Variants in ULK2 observed in about 807,000 individuals in gnomAD.
The protein encoded by ULK2 is serine/threonine-protein kinase ULK2.
A neutral mutation model predicts 127.5 loss-of-function variants in ULK2; 76 were observed. The observed-to-expected ratio is 0.60, with a 90% CI of 0.50 to 0.72. The LOEUF (loss-of-function observed/expected upper bound fraction) is 0.72. Ranked by LOEUF, ULK2 falls within the 30% of genes least tolerant of loss-of-function variation. ULK2 has a pLI of 0.00. For missense variants in ULK2, 1,144 were observed against 1,295.9 expected, an observed-to-expected ratio of 0.88 and a Z score of 1.80; for synonymous variants, 452 against 461.9, an observed-to-expected ratio of 0.98 and a Z score of 0.28.
chr17:19,848,758 C>A (rs2041952137), intron 5 of ULK2, among the ~76,000 whole-genome samples: 1 of 150,958 alleles, frequency 6.6e-6, no homozygotes, highest in African/African-American at 2.4e-5. Flanking sequence ...GCCTGGGTGA[C>A]AGAGTGAGAC....
chr17:19,776,697 C>T (rs1243437796), intron 26 of ULK2, among the ~76,000 whole-genome samples: 1 of 152,122 alleles, frequency 6.6e-6, no homozygotes. Flanking sequence ...CCAACCAGTC[C>T]ACCACCTCTG....
intron 6 of ULK2, 61 bp from the exon 7 acceptor site, chr17:19,845,438 TC>T: frequency 1.6e-6 from 2 of 1,248,362 alleles, no homozygotes; most frequent in Non-Finnish European, 2.4e-6. Flanking sequence ...CTAACATATA[TC>T]ATATGATTCT....
chr17:19,816,872 G>A lies in ULK2; in HGVS notation c.973C>T (p.Pro325Ser). Residue 325 changes from proline (P) to serine (S), a missense_variant, in exon 13 of 27, where the codon CCA becomes TCA. Pro to Ser is a moderately conservative substitution (Grantham distance 74). Coordinates refer to ENST00000395544, the MANE Select transcript of ULK2 (RefSeq NM_014683.4). ...HIQEENLSSP[P>S]LGPPNYLQVS... ...TGTAGATAGTTGGGAGGACCCAATG[G>A]TGGGGAAGATAAGTTTTCTTCCTGA... The A allele has an allele frequency of 6.2e-7, 1 of 1,610,800 alleles. No homozygotes were observed. Among genetic ancestry groups the A allele is most frequent in the Non-Finnish European group, 8.5e-7 (1 of 1,179,068 alleles).
chr17:19,780,847 C>A, intron 24 of ULK2, 139 bp downstream of exon 24: 2 of 974,058 alleles, frequency 2.1e-6, no homozygotes, highest in Non-Finnish European at 3.0e-6. Context: ...AAAAAGCTAA[C>A]AACCCAGCAT....
At chr17:19,841,842 C>T (rs142109449) in intron 8 of ULK2, among the ~76,000 whole-genome samples, 40 of 152,252 alleles carry the variant, frequency 2.6e-4, no homozygotes, top group African/African-American at 9.4e-4. Flanking sequence ...AAATTCTGTA[C>T]ATCTGAGTAT....
At chr17:19,849,115 C>T (rs1015374920) in intron 5 of ULK2, among the ~76,000 whole-genome samples, 1 of 152,048 alleles carries the variant, frequency 6.6e-6, no homozygotes, top group African/African-American at 2.4e-5. Context: ...GGGATAGGAC[C>T]ATCTCTCAAA....
At chr17:19,862,497 G>A (rs573053941) in intron 3 of ULK2, among the ~76,000 whole-genome samples, 3 of 150,728 alleles carry the variant, frequency 2.0e-5, no homozygotes, top group East Asian at 2.0e-4. Flanking sequence ...ATGGAGTTTC[G>A]CTCGTTACCC....
chr17:19,867,456 C>T lies in ULK2; in HGVS notation c.-39G>A, dbSNP rs748052859. ...GGGCACACAGCGGACGGGCGGGCGG[C>T]GCAGTGCGGCGCAGGTATCAGCACC... On this transcript the variant is annotated 5_prime_UTR_variant, in exon 1 of 27. Transcript: ENST00000395544. The T allele has an allele frequency of 3.2e-5, 49 of 1,542,310 alleles. No homozygotes were observed. The highest frequency in any genetic ancestry group is 4.3e-5 in the Non-Finnish European group (49 of 1,139,076).
chr17:19,829,951 C>G (rs2041397569), intron 10 of ULK2, among the ~76,000 whole-genome samples: 1 of 151,566 alleles, frequency 6.6e-6, no homozygotes, highest in South Asian at 2.1e-4. Flanking sequence ...ACATTGACAA[C>G]TGAAGTGAGA....
chr17:19,846,554 C>T (rs937872207), intron 6 of ULK2, among the ~76,000 whole-genome samples, 183 bp downstream of exon 6: 5 of 151,460 alleles, frequency 3.3e-5, no homozygotes, highest in East Asian at 1.9e-4. Flanking sequence ...GCAGGAGAAT[C>T]GCTTGAACCC....
rs112341062 is a variant in ULK2, at chr17:19,824,148, G to A, written c.924+946C>T. 1.6e-3 allele frequency among the ~76,000 whole-genome samples: 243 copies of A among 152,238 alleles called. 1 individual carries two copies. Among genetic ancestry groups the A allele is most frequent in the African/African-American group, 5.6e-3 (232 of 41,552 alleles). ...ACTTTTATGGCTCCCCTATCTTTCT[G>A]CCAGCGGCATTCAAGAAATTGATGT... is the stretch of plus-strand genomic sequence containing the variant. On this transcript the variant is annotated intron_variant, in intron 12 of 26. Coordinates refer to ENST00000395544, the MANE Select transcript of ULK2 (RefSeq NM_014683.4).
intron 16 of ULK2, among the ~76,000 whole-genome samples, chr17:19,800,141 C>T (rs1225577811): frequency 6.6e-6 from 1 of 152,216 alleles, no homozygotes; most frequent in South Asian, 2.1e-4. Context: ...GCCAGCTCTT[C>T]CTCCTTCCTG....
intron 10 of ULK2, among the ~76,000 whole-genome samples, chr17:19,831,702 C>G (rs1466894345): frequency 1.3e-5 from 2 of 151,550 alleles, no homozygotes; most frequent in Non-Finnish European, 2.9e-5. Flanking sequence ...TGGTGGGCAC[C>G]TGTAATCCCA....
chr17:19,827,682 TA>T (rs1348366831), intron 10 of ULK2, among the ~76,000 whole-genome samples: 1 of 152,030 alleles, frequency 6.6e-6, no homozygotes, highest in Admixed American at 6.6e-5. Flanking sequence ...GAGGCAGAGG[TA>T]GGTAGATCAC....
At chr17:19,828,394 C>T (rs1024638014) in intron 10 of ULK2, among the ~76,000 whole-genome samples, 3 of 152,184 alleles carry the variant, frequency 2.0e-5, no homozygotes, top group Non-Finnish European at 2.9e-5. Flanking sequence ...TGTAACTTCA[C>T]TTTTTCACTT....
intron 9 of ULK2, chr17:19,840,477 G>T: frequency 2.2e-6 from 1 of 461,230 alleles, no homozygotes; most frequent in African/African-American, 2.0e-5. Context: ...ACTTATCCGG[G>T]AAGGAAAATT....
rs1345161491 is a variant in ULK2 at position 19,795,682 on chromosome 17, G to C, written c.2041C>G (p.Pro681Ala). 6.2e-7 allele frequency: 1 copy of C among 1,614,076 alleles called. No individual in the cohort carries two copies. ...GKLSDQQGKT[P>A]ICRHQGSTDS... The stretch of plus-strand genomic sequence containing the variant: ...GTGCTGCCCTGATGTCGACATATAG[G>C]AGTCTTTCCTTGTTGATCTGATAAC... The change falls in exon 20 of 27, where the codon CCT (proline) becomes GCT (alanine). Residue 681 changes from proline to alanine, a missense_variant. By Grantham distance (27) the Pro-to-Ala change is conservative. This residue lies in a region of ULK2 where 913 missense variants were observed against 970.5 expected (regional missense o/e 0.94). Coordinates refer to ENST00000395544, the MANE Select transcript of ULK2 (RefSeq NM_014683.4).
chr17:19,836,993 G>C (rs1468232961), intron 10 of ULK2, among the ~76,000 whole-genome samples: 1 of 152,116 alleles, frequency 6.6e-6, no homozygotes, highest in Non-Finnish European at 1.5e-5. Flanking sequence ...AGCTGAGGTG[G>C]GAGAATCACT....
chr17:19,814,438 A>ATTTTTTTTTTT (rs1187090319), intron 13 of ULK2, among the ~76,000 whole-genome samples: 4 of 23,332 alleles, frequency 1.7e-4, no homozygotes, highest in East Asian at 7.2e-4. Context: ...ATATATATAT[A>ATTTTTTTTTTT]TTTTTTTTTT....
Sources: gnomAD v4.1 joint callset for allele counts (sites outside exome capture counted in the v4.1 genomes callset) on GRCh38, gnomAD v4.1.1 for gene constraint, gnomAD v4.1.1 regional missense constraint, MANE v1.5 for transcripts, NCBI Gene and HGNC (gene_info 2026-07-23, HGNC 2026-07-21) for gene names.